SERPINB9: variants seen among roughly 807,000 people sequenced by gnomAD.
SERPINB9 encodes the protein serpin family B member 9, also known as serpin B9.
A neutral mutation model predicts 27.2 loss-of-function variants in SERPINB9; 20 were observed. The observed-to-expected ratio is 0.74, with a 90% CI of 0.52 to 1.07. SERPINB9 has a LOEUF of 1.07. SERPINB9 is among the 50% of genes least tolerant of loss of function. The probability of loss-of-function intolerance (pLI) is 0.00; values close to 1 mark genes in which losing one functional copy is unlikely to be tolerated. For missense variants in SERPINB9, 476 were observed against 460.1 expected, an observed-to-expected ratio of 1.03 and a Z score of -0.32; for synonymous variants, 189 against 180.0, an observed-to-expected ratio of 1.05 and a Z score of -0.40.
chr6:2,902,053 T>C (rs904793943), intron 1 of SERPINB9, among the ~76,000 whole-genome samples: 3 of 152,096 alleles, frequency 2.0e-5, no homozygotes, highest in Admixed American at 6.6e-5. Context: ...AAAGCCACCT[T>C]GTTAAAACGG....
intron 2 of SERPINB9, among the ~76,000 whole-genome samples, chr6:2,898,052 G>A (rs1482910566): frequency 4.0e-5 from 6 of 151,764 alleles, no homozygotes; most frequent in Non-Finnish European, 8.8e-5. Flanking sequence ...CTCCAGCCTG[G>A]GTGACAGAGC....
rs551046829 is a variant in SERPINB9, at chr6:2,898,524, A to G, written c.168+1920T>C. Among the ~76,000 whole-genome samples, 6 of 152,374 alleles carry G rather than the reference A, an allele frequency of 3.9e-5. No homozygotes were observed. In the South Asian group the frequency reaches 1.2e-3, roughly 32 times the overall value. ...CCAAAGTACAAAATGTCAAGTGAAAATCAGGAAATAGGGCCGGGCGCAGTG... is the reference window on the plus strand; with the variant it reads ...CCAAAGTACAAAATGTCAAGTGAAAGTCAGGAAATAGGGCCGGGCGCAGTG... On this transcript the variant is annotated intron_variant, in intron 2 of 6. Transcript: ENST00000380698.
In SERPINB9 at chr6:2,891,957, T is replaced by C; in HGVS notation, c.599A>G (p.Gln200Arg). 1 of 1,613,680 alleles carries C rather than the reference T, an allele frequency of 6.2e-7. No individual in the cohort carries two copies. Among genetic ancestry groups the C allele is most frequent in the Non-Finnish European group, 8.5e-7 (1 of 1,179,926 alleles). The change falls in exon 6 of 7, where the codon CAG becomes CGG. Residue 200 changes from glutamine (Q) to arginine (R), a missense_variant. Transcript: ENST00000380698. This position sits in a 1 kb window ranked among gnomAD's most constrained non-coding sequence, Gnocchi z 4.0. The part of the protein sequence containing the change: ...EEQRPVQMMY[Q>R]EATFKLAHVG... Reference sequence around the variant, plus strand: ...GTGGGCGAGCTTAAACGTGGCCTCCTGATACATCATCTGCACTGGCCTTTG... The same window carrying C: ...GTGGGCGAGCTTAAACGTGGCCTCCCGATACATCATCTGCACTGGCCTTTG...
chr6:2,900,600 AAG>A lies in SERPINB9; in HGVS notation c.10_11del (p.Leu4PhefsTer2). MET[L>X]SNASGTFAIR... The stretch of plus-strand genomic sequence containing the variant: ...TGGCAAAAGTACCACTTGCATTAGA[AAG>A]AGTTTCCATGATGCAGGGCCTGGAA... On this transcript the variant is annotated frameshift_variant, in exon 2 of 7. Transcript: ENST00000380698. LOFTEE classifies it high-confidence loss of function. 6.2e-7 allele frequency: 1 copy of A among 1,614,106 alleles called. No homozygotes were observed. Among genetic ancestry groups the A allele is most frequent in the Non-Finnish European group, 8.5e-7 (1 of 1,179,988 alleles).
chr6:2,891,970 G>C lies in SERPINB9; in HGVS notation c.586C>G (p.Gln196Glu), dbSNP rs768181640. ...AACGTGGCCTCCTGATACATCATCT[G>C]CACTGGCCTTTGCTCCTCCTGGGGG... The part of the protein sequence containing the change: ...KINQEEQRPV[Q>E]MMYQEATFKL... The change falls in exon 6 of 7, where the codon CAG (glutamine) becomes GAG (glutamate). Residue 196 changes from glutamine to glutamate, a missense_variant. Gln to Glu is a conservative substitution (Grantham distance 29, BLOSUM62 2). Coordinates refer to ENST00000380698, the MANE Select transcript of SERPINB9 (RefSeq NM_004155.6). This position sits in a 1 kb window ranked among gnomAD's most constrained non-coding sequence, Gnocchi z 4.0. The C allele has an allele frequency of 6.2e-7, 1 of 1,613,572 alleles. No homozygotes were observed. Among genetic ancestry groups the C allele is most frequent in the South Asian group, 1.1e-5 (1 of 91,078 alleles).
In SERPINB9 at chr6:2,887,636, CAGG is replaced by C. The variant is rs1767642117; in HGVS notation, c.*2524_*2526del. 1 of 152,070 alleles carries C rather than the reference CAGG, an allele frequency of 6.6e-6. No homozygotes were observed. Among genetic ancestry groups the C allele is most frequent in the Non-Finnish European group, 1.5e-5 (1 of 68,048 alleles). 9.4% of individuals were successfully genotyped at this position (152,070 alleles called of 1,614,324 possible). A position where few individuals can be genotyped will look rare whatever the true frequency, so the allele number is the denominator to read the frequency against. On this transcript the variant is annotated 3_prime_UTR_variant, in exon 7 of 7. Transcript: ENST00000380698. ...CTGAGGTAGGCGGATCGCTTGAGGC[CAGG>C]AGTTCAAGACCAACACGGCCAATGT...
At chr6:2,892,384 G>GA (rs1198201669) in intron 5 of SERPINB9, among the ~76,000 whole-genome samples, 1 of 151,626 alleles carries the variant, frequency 6.6e-6, no homozygotes, top group African/African-American at 2.4e-5. Flanking sequence ...CAACATATGA[G>GA]AAAAAAAATC....
chr6:2,890,165 A>C lies in SERPINB9; in HGVS notation c.1129T>G (p.Ter377GluextTer49). The stretch of plus-strand genomic sequence containing the variant: ...CGAGTGCACGGTAAGTGCACCCTTT[A>C]TGGCGATGAGAACCTGCCACAGAAC... ...ILFCGRFSSP[*>E] Residue 377 changes from the stop codon to glutamate (E), a stop_lost, in exon 7 of 7, where the codon TAA becomes GAA. Transcript: ENST00000380698. This position sits in a 1 kb window ranked among gnomAD's most constrained non-coding sequence, Gnocchi z 6.2. The C allele has an allele frequency of 6.2e-7, 1 of 1,612,306 alleles. No individual in the cohort carries two copies. The highest frequency in any genetic ancestry group is 8.5e-7 in the Non-Finnish European group (1 of 1,178,690).
chr6:2,896,244 G>A, intron 2 of SERPINB9, 54 bp from the exon 3 acceptor site: 1 of 1,524,738 alleles, frequency 6.6e-7, no homozygotes, highest in Non-Finnish European at 9.0e-7. Context: ...GATGGCTGGG[G>A]AGAGGAGAGA....
rs201741310 is a variant in SERPINB9, at chr6:2,893,401, C to T, written c.567+10G>A. 1.1e-5 allele frequency: 17 copies of T among 1,592,682 alleles called. No individual in the cohort carries two copies. Among genetic ancestry groups the T allele is most frequent in the Middle Eastern group, 1.7e-4 (1 of 6,012 alleles). On this transcript the variant is annotated intron_variant, in intron 5 of 6. Coordinates refer to ENST00000380698, the MANE Select transcript of SERPINB9 (RefSeq NM_004155.6). ...ATCAAACTAGCAGGATTTTAAAAAG[C>T]TTCCCCCACCTGGTTTATTTTAAAG...
intron 2 of SERPINB9, among the ~76,000 whole-genome samples, chr6:2,899,440 A>G (rs1768118293): frequency 6.6e-6 from 1 of 152,190 alleles, no homozygotes; most frequent in Non-Finnish European, 1.5e-5. Context: ...CTCCCCATCC[A>G]ACCTCACACT....
chr6:2,897,703 A>G (rs913007393), intron 2 of SERPINB9, among the ~76,000 whole-genome samples: 3 of 152,234 alleles, frequency 2.0e-5, no homozygotes, highest in Non-Finnish European at 2.9e-5. Flanking sequence ...AAAATGATCA[A>G]TGAATCCAAG....
Position 2,890,647 on chromosome 6 carries a change from T to C in SERPINB9, c.724-77A>G. 1 of 1,385,044 alleles carries C rather than the reference T, an allele frequency of 7.2e-7. No individual in the cohort carries two copies. Among genetic ancestry groups the C allele is most frequent in the Non-Finnish European group, 9.9e-7 (1 of 1,006,564 alleles). 85.8% of individuals were successfully genotyped at this position (1,385,044 alleles called of 1,614,324 possible). A position where few individuals can be genotyped will look rare whatever the true frequency, so the allele number is the denominator to read the frequency against. On this transcript the variant is annotated intron_variant, in intron 6 of 6. Transcript: ENST00000380698. The surrounding 1 kb of genome is among the most constrained non-coding windows in gnomAD (Gnocchi z 6.2). ...AGCGCACAGGCACTCACAGTTCCCT[T>C]CCTCCCCTTGCACGTAGGTGTTGTT... is the stretch of plus-strand genomic sequence containing the variant.
chr6:2,896,030 A>C, intron 3 of SERPINB9, 23 bp downstream of exon 3: 1 of 1,601,270 alleles, frequency 6.2e-7, no homozygotes, highest in Admixed American at 1.8e-5. Context: ...TGCAACTTTT[A>C]TTGTTCTATT....
chr6:2,890,587 A>T lies in SERPINB9; in HGVS notation c.724-17T>A, dbSNP rs1447117375. On this transcript the variant is annotated splice_polypyrimidine_tract_variant and intron_variant, in intron 6 of 6. Transcript: ENST00000380698. This position sits in a 1 kb window ranked among gnomAD's most constrained non-coding sequence, Gnocchi z 6.2. The stretch of plus-strand genomic sequence containing the variant: ...TTTTTCCACCTGAAAGACCAGAATT[A>T]GACTTTAAGATTCCGACTTCAGTGC... 18 of 1,596,018 alleles carry T rather than the reference A, an allele frequency of 1.1e-5. No individual in the cohort carries two copies. The highest frequency in any genetic ancestry group is 1.4e-5 in the Non-Finnish European group (16 of 1,168,486).
chr6:2,900,885 T>TCTCTCA (rs61100591), intron 1 of SERPINB9, among the ~76,000 whole-genome samples: 76 of 141,572 alleles, frequency 5.4e-4, no homozygotes, highest in South Asian at 6.8e-4. Context: ...GCTCGCTCTC[T>TCTCTCA]CACACACACA....
Position 2,900,515 on chromosome 6 carries a change from CAGG to C in SERPINB9, c.94_96del (p.Pro32del). 1 of 1,614,136 alleles carries C rather than the reference CAGG, an allele frequency of 6.2e-7. No individual in the cohort carries two copies. On this transcript the variant is annotated inframe_deletion, in exon 2 of 7. Coordinates refer to ENST00000380698, the MANE Select transcript of SERPINB9 (RefSeq NM_004155.6). ...ATGGCCAGGGCAGAGGAGATGCTCA[CAGG>C]AGAACAGAACACGTTGTGCGAAGGG...
chr6:2,890,314 G>A lies in SERPINB9; in HGVS notation c.980C>T (p.Thr327Ile), dbSNP rs868052941. Residue 327 changes from threonine to isoleucine, a missense_variant, in exon 7 of 7, where the codon ACC becomes ATC. Transcript: ENST00000380698. This position sits in a 1 kb window ranked among gnomAD's most constrained non-coding sequence, Gnocchi z 6.2. ...GCAGCTCGACGCTGCCGCTGCCTCG[G>A]TGCCTTCTTCATTCACCTCCACAAA... ...KSFVEVNEEG[T>I]EAAAASSCFV... 1.2e-6 allele frequency: 2 copies of A among 1,614,166 alleles called. No individual in the cohort carries two copies. The highest frequency in any genetic ancestry group is 1.7e-6 in the Non-Finnish European group (2 of 1,180,022).
rs567732064 is a variant in SERPINB9 at position 2,901,122 on chromosome 6, C to T, written c.-10-501G>A. Among the ~76,000 whole-genome samples, 20 of 152,330 alleles carry T rather than the reference C, an allele frequency of 1.3e-4. No homozygotes were observed. In the East Asian group the frequency reaches 3.5e-3, roughly 26 times the overall value. On this transcript the variant is annotated intron_variant, in intron 1 of 6. Transcript: ENST00000380698. ...AAAGACACTGAGATGCTGAATCTGA[C>T]CCAGAGACAGACAGCTGTGAGGCAA... is the stretch of plus-strand genomic sequence containing the variant.
Sources: allele counts gnomAD v4.1 joint callset (sites outside exome capture counted in the v4.1 genomes callset), GRCh38; gene constraint gnomAD v4.1.1; non-coding constraint Gnocchi (gnomAD v3.1); transcripts MANE v1.5; gene names NCBI Gene and HGNC (gene_info 2026-07-23, HGNC 2026-07-21).